Variants in CTNND2 observed in about 807,000 individuals in gnomAD.
CTNND2 encodes the protein catenin delta-2.
A neutral mutation model predicts 144.4 loss-of-function variants in CTNND2; 22 were observed. The ratio of observed to expected loss-of-function variants is 0.15; its 90% CI spans 0.11 to 0.22. The LOEUF (loss-of-function observed/expected upper bound fraction) is 0.22, where lower values mean the gene tolerates loss of function less well. Ranked by LOEUF, CTNND2 falls within the 10% of genes least tolerant of loss-of-function variation. The pLI, the probability that CTNND2 is intolerant of heterozygous loss-of-function variation, is 1.00. For synonymous variants in CTNND2, 751 were observed against 695.6 expected (o/e 1.08, Z -1.25); for missense variants, 1,353 against 1,618.8 (o/e 0.84, Z 2.82).
intron 11 of CTNND2, among the ~76,000 whole-genome samples, chr5:11,187,668 A>T (rs1735776573): frequency 6.6e-6 from 1 of 152,228 alleles, no homozygotes; most frequent in South Asian, 2.1e-4. Flanking sequence ...GTGAACAGGC[A>T]ACCTACAGAA....
intron 2 of CTNND2, among the ~76,000 whole-genome samples, chr5:11,707,731 C>T (rs181183806): frequency 1.3e-5 from 2 of 152,310 alleles, no homozygotes; most frequent in African/African-American, 4.8e-5. Flanking sequence ...ATGAAAATCA[C>T]TTTTGTAAGC....
At chr5:11,357,758 G>C (rs150669197) in intron 8 of CTNND2, among the ~76,000 whole-genome samples, 12 of 152,242 alleles carry the variant, frequency 7.9e-5, no homozygotes, top group Admixed American at 5.9e-4. Context: ...TGGATCATTA[G>C]TATACAGCAT....
At chr5:11,856,528 G>GGTA (rs1795258249) in intron 1 of CTNND2, among the ~76,000 whole-genome samples, 1 of 152,166 alleles carries the variant, frequency 6.6e-6, no homozygotes, top group Admixed American at 6.6e-5. Context: ...GCTAGAAACA[G>GGTA]GAAGAAAAGG....
intron 9 of CTNND2, among the ~76,000 whole-genome samples, chr5:11,343,874 C>A (rs944519726): frequency 9.2e-5 from 14 of 152,088 alleles, no homozygotes; most frequent in Non-Finnish European, 1.6e-4. Context: ...TTAACAAATT[C>A]TCTTAAATAT....
intron 2 of CTNND2, among the ~76,000 whole-genome samples, chr5:11,569,007 C>A (rs1421393120): frequency 6.6e-6 from 1 of 152,102 alleles, no homozygotes; most frequent in Non-Finnish European, 1.5e-5. Flanking sequence ...TAAAGATTAT[C>A]TAGATTTGCA....
chr5:11,019,275 T>C (rs1342112877), intron 17 of CTNND2, among the ~76,000 whole-genome samples: 1 of 152,256 alleles, frequency 6.6e-6, no homozygotes, highest in African/African-American at 2.4e-5. Context: ...TGAAGCTGCA[T>C]TTCATTCTCA....
intron 1 of CTNND2, among the ~76,000 whole-genome samples, chr5:11,746,707 G>A (rs749445257): frequency 1.1e-4 from 16 of 152,010 alleles, no homozygotes; most frequent in Non-Finnish European, 2.1e-4. Context: ...CAGAAATTGG[G>A]TCTTATTCAT....
At chr5:11,421,727 AGTGCTCACT>A (rs1308455804) in intron 3 of CTNND2, among the ~76,000 whole-genome samples, 2 of 152,150 alleles carry the variant, frequency 1.3e-5, no homozygotes, top group African/African-American at 4.8e-5. Context: ...ACTCTTGGTG[AGTGCTCACT>A]GTGGCTCTGC....
intron 11 of CTNND2, among the ~76,000 whole-genome samples, chr5:11,169,520 GT>G (rs1310789116): frequency 6.6e-6 from 1 of 152,158 alleles, no homozygotes; most frequent in African/African-American, 2.4e-5. Flanking sequence ...GTATTGAGCT[GT>G]TTACAGTTCC....
intron 3 of CTNND2, among the ~76,000 whole-genome samples, chr5:11,472,021 T>C (rs544031875): frequency 1.3e-5 from 2 of 152,354 alleles, no homozygotes; most frequent in East Asian, 1.9e-4. Flanking sequence ...GCGAACACTG[T>C]CATATTCAAA....
At chr5:11,371,128 T>C (rs1757442366) in intron 7 of CTNND2, among the ~76,000 whole-genome samples, 1 of 152,226 alleles carries the variant, frequency 6.6e-6, no homozygotes, top group African/African-American at 2.4e-5. Context: ...TTTAGGGGTA[T>C]GTCCCATGAT....
chr5:11,392,472 T>G (rs923568345), intron 6 of CTNND2, among the ~76,000 whole-genome samples: 1 of 152,236 alleles, frequency 6.6e-6, no homozygotes, highest in African/African-American at 2.4e-5. Context: ...CAGAACTTTA[T>G]TTCAGCAAGA....
chr5:11,452,388 A>G lies in CTNND2; in HGVS notation c.288-40319T>C, dbSNP rs1195193015. 2.0e-5 allele frequency among the ~76,000 whole-genome samples: 3 copies of G among 152,228 alleles called. No individual in the cohort carries two copies. In the East Asian group the frequency reaches 5.8e-4, roughly 29 times the overall value. On this transcript the variant is annotated intron_variant, in intron 3 of 21. Coordinates refer to ENST00000304623, the MANE Select transcript of CTNND2 (RefSeq NM_001332.4). ...CCCCAAAGTAAGAATAAAATTTTAT[A>G]ATTTCTCTTAAAAGTATCGAAAAAA... is the stretch of plus-strand genomic sequence containing the variant.
At chr5:11,855,025 G>A (rs1458181994) in intron 1 of CTNND2, among the ~76,000 whole-genome samples, 1 of 152,178 alleles carries the variant, frequency 6.6e-6, no homozygotes, top group Non-Finnish European at 1.5e-5. Flanking sequence ...ATAATGTGCA[G>A]CTGCACTCAC....
chr5:11,363,884 A>G (rs1756700979), intron 8 of CTNND2, among the ~76,000 whole-genome samples: 1 of 152,242 alleles, frequency 6.6e-6, no homozygotes, highest in Admixed American at 6.5e-5. Context: ...TCATTAGGAA[A>G]GAAGGAGAGA....
intron 2 of CTNND2, among the ~76,000 whole-genome samples, chr5:11,728,516 C>T (rs1787148910): frequency 6.6e-6 from 1 of 152,082 alleles, no homozygotes; most frequent in African/African-American, 2.4e-5. Flanking sequence ...ATGTCTTACT[C>T]TTACTTTCCT....
At chr5:11,797,002 C>T (rs1233068467) in intron 1 of CTNND2, among the ~76,000 whole-genome samples, 3 of 152,142 alleles carry the variant, frequency 2.0e-5, no homozygotes, top group Non-Finnish European at 4.4e-5. Flanking sequence ...ATTGTGTTTA[C>T]ATTTATCTCA....
intron 7 of CTNND2, among the ~76,000 whole-genome samples, chr5:11,375,289 AC>A (rs1389862772): frequency 6.6e-6 from 1 of 152,140 alleles, no homozygotes; most frequent in Non-Finnish European, 1.5e-5. Context: ...AGACACCCTA[AC>A]TCTCAACATA....
At chr5:11,053,168 C>G (rs1231166166) in intron 16 of CTNND2, among the ~76,000 whole-genome samples, 1 of 152,198 alleles carries the variant, frequency 6.6e-6, no homozygotes, top group Non-Finnish European at 1.5e-5. Context: ...TCATTTGAAG[C>G]TTAAACTAAA....
Sources: gnomAD v4.1 joint callset for allele counts (sites outside exome capture counted in the v4.1 genomes callset) on GRCh38, gnomAD v4.1.1 for gene constraint, MANE v1.5 for transcripts, NCBI Gene and HGNC (gene_info 2026-07-23, HGNC 2026-07-21) for gene names.